The following AASDH variants were observed in gnomAD, a reference collection of about 807,000 sequenced individuals.
AASDH encodes beta-alanine-activating enzyme.
A neutral mutation model predicts 102.3 loss-of-function variants in AASDH; 81 were observed. The observed-to-expected ratio is 0.79, with a 90% CI of 0.66 to 0.95. The LOEUF is 0.95. Among genes scored for constraint, AASDH ranks in the 40% least tolerant of loss-of-function variants. The pLI is 0.00. For synonymous variants in AASDH, 398 were observed against 454.0 expected (o/e 0.88, Z 1.57); for missense variants, 1,203 against 1,266.2 (o/e 0.95, Z 0.76).
At position 56,371,606 on chromosome 4, in the gene AASDH, G is replaced by C. The variant is rs757073822; in HGVS notation, c.706C>G (p.Leu236Val). The C allele has an allele frequency of 1.9e-6, 3 of 1,609,094 alleles. No homozygotes were observed. The highest frequency in any genetic ancestry group is 2.2e-5 in the South Asian group (2 of 89,434). The change falls in exon 5 of 15, where the codon CTG becomes GTG. Residue 236 changes from leucine (L) to valine (V), a missense_variant. Transcript: ENST00000205214. ...FDITQEDVLF[L>V]ASPLTFDPSV... ...GGATCGAAGGTCAGAGGTGAAGCCA[G>C]AAACAAAACATCTTCTTGTGTGATG...
rs568888106 is a variant in AASDH, at chr4:56,366,649, G to A, written c.861+4802C>T. Among the ~76,000 whole-genome samples, 23 of 151,194 alleles carry A rather than the reference G, an allele frequency of 1.5e-4. No homozygotes were observed. The South Asian group carries it at 4.8e-3, about 32-fold the overall frequency. On this transcript the variant is annotated intron_variant, in intron 5 of 14. Transcript: ENST00000205214. Reference sequence around the variant, plus strand: ...TGATTATCTCAATAGATGCAGAAAAGGCCTTTGACAAAATTCAACAACCCT... The same window carrying A: ...TGATTATCTCAATAGATGCAGAAAAAGCCTTTGACAAAATTCAACAACCCT...
chr4:56,377,066 CAAA>C (rs11364187), intron 4 of AASDH, among the ~76,000 whole-genome samples: 4 of 131,820 alleles, frequency 3.0e-5, no homozygotes, highest in African/African-American at 1.1e-4. Context: ...GACTCCGTCT[CAAA>C]AAAAAAAAAA....
intron 3 of AASDH, among the ~76,000 whole-genome samples, chr4:56,381,435 G>A (rs188906004): frequency 3.3e-5 from 5 of 151,912 alleles, no homozygotes; most frequent in East Asian, 1.9e-4. Context: ...AAAATTAGCC[G>A]GGTGTGGTGG....
chr4:56,385,331 TATTTTTA>T (rs2110018529), intron 1 of AASDH, among the ~76,000 whole-genome samples: 1 of 152,356 alleles, frequency 6.6e-6, no homozygotes, highest in Admixed American at 6.5e-5. Flanking sequence ...CTGTATAGTT[TATTTTTA>T]AATTGCCAAT....
chr4:56,341,606 T>C (rs541425978), intron 14 of AASDH, among the ~76,000 whole-genome samples: 1 of 149,672 alleles, frequency 6.7e-6, no homozygotes, highest in South Asian at 2.1e-4. Context: ...TTTCACCATG[T>C]TGGCCAGGAT....
rs71192098 is a variant in AASDH, at chr4:56,377,086, T to TAAATA, written c.668+1057_668+1061dup. Among the ~76,000 whole-genome samples the TAAATA allele has an allele frequency of 1.7e-3, 241 of 138,324 alleles. 1 individual carries two copies. The highest frequency in any genetic ancestry group is 6.0e-3 in the South Asian group (26 of 4,366). 90.7% of individuals were successfully genotyped at this position (138,324 alleles called of 152,430 possible). ...CGTCTCAAAAAAAAAAAAAAATAAA[T>TAAATA]AAATAAAATAAAATAAAATTAACTT... On this transcript the variant is annotated intron_variant, in intron 4 of 14. Transcript: ENST00000205214.
chr4:56,358,143 A>G (rs1749837208), intron 5 of AASDH, among the ~76,000 whole-genome samples: 1 of 151,958 alleles, frequency 6.6e-6, no homozygotes, highest in Non-Finnish European at 1.5e-5. Context: ...ATATACATAT[A>G]TATGTACAAA....
Position 56,380,495 on chromosome 4 carries a change from A to C in AASDH, c.351+1982T>G, listed in dbSNP as rs139274568. Reference sequence around the variant, plus strand: ...TAGGGGATGTGGTGTGGCCTGTAATATTTGAAAAATTAAAGAACTACATAC... The same window carrying C: ...TAGGGGATGTGGTGTGGCCTGTAATCTTTGAAAAATTAAAGAACTACATAC... On this transcript the variant is annotated intron_variant, in intron 3 of 14. Transcript: ENST00000205214. 1.5e-3 allele frequency among the ~76,000 whole-genome samples: 221 copies of C among 152,262 alleles called. 1 individual carries two copies. The highest frequency in any genetic ancestry group is 5.0e-3 in the African/African-American group (207 of 41,546).
rs115471737 is a variant in AASDH at position 56,344,056 on chromosome 4, A to C, written c.2653-372T>G. ...AATGATTTAAATATAATTTTAATCC[A>C]TAATATCCCATATGAACATAAATAA... is the stretch of plus-strand genomic sequence containing the variant. On this transcript the variant is annotated intron_variant, in intron 12 of 14. Transcript: ENST00000205214. Among the ~76,000 whole-genome samples, 395 of 152,328 alleles carry C rather than the reference A, an allele frequency of 2.6e-3. 3 individuals are homozygous for C. Among genetic ancestry groups the C allele is most frequent in the African/African-American group, 9.1e-3 (378 of 41,578 alleles).
At chr4:56,372,704 GGCT>G (rs1379074930) in intron 4 of AASDH, among the ~76,000 whole-genome samples, 8 of 152,190 alleles carry the variant, frequency 5.3e-5, no homozygotes, top group Non-Finnish European at 1.2e-4. Flanking sequence ...GGGGCCGAAA[GGCT>G]GTGATACCTT....
rs756598776 is a variant in AASDH at position 56,338,722 on chromosome 4, A to C, written c.2977T>G (p.Phe993Val). Residue 993 changes from phenylalanine (F) to valine (V), a missense_variant, in exon 15 of 15, where the codon TTT becomes GTT. By Grantham distance (50) the Phe-to-Val change is conservative. Coordinates refer to ENST00000205214, the MANE Select transcript of AASDH (RefSeq NM_181806.4). ...ATAAAGCAATCATGGGAACCAAAAA[A>C]TATTTTTTGCTCTGATGGTGAGGTA... ...PCTSPSEQKIFFGSHDCFIYC... is the reference protein window; with the variant it reads ...PCTSPSEQKIVFGSHDCFIYC... The C allele has an allele frequency of 8.7e-6, 14 of 1,614,204 alleles. No individual in the cohort carries two copies. Among genetic ancestry groups the C allele is most frequent in the Non-Finnish European group, 1.2e-5 (14 of 1,180,034 alleles).
chr4:56,379,222 C>G (rs571508189), intron 3 of AASDH, among the ~76,000 whole-genome samples: 5 of 152,260 alleles, frequency 3.3e-5, no homozygotes, highest in African/African-American at 9.6e-5. Flanking sequence ...CAACCTCGAA[C>G]AGCTGGGCTC....
chr4:56,343,742 C>A, intron 12 of AASDH, 58 bp from the exon 13 acceptor site: 1 of 1,512,000 alleles, frequency 6.6e-7, no homozygotes, highest in Non-Finnish European at 9.0e-7. Flanking sequence ...ATCCATATAA[C>A]CTACCCTTCA....
intron 4 of AASDH, among the ~76,000 whole-genome samples, chr4:56,374,606 AT>A (rs148097316): frequency 0.016 from 2,413 of 152,218 alleles, 74 homozygotes; most frequent in African/African-American, 0.055. Flanking sequence ...CTGAAAACCC[AT>A]TTCTCTTTCC....
At position 56,377,078 on chromosome 4, in the gene AASDH, A is replaced by AT. The variant is rs1553933215; in HGVS notation, c.668+1069_668+1070insA. Among the ~76,000 whole-genome samples, 5 of 132,562 alleles carry AT rather than the reference A, an allele frequency of 3.8e-5. No homozygotes were observed. The South Asian group carries it at 7.1e-4, about 19-fold the overall frequency. The allele number at this position is 132,562 out of a possible 152,430, so 87.0% of individuals were successfully genotyped here. A position where few individuals can be genotyped will look rare whatever the true frequency, so the allele number is the denominator to read the frequency against. ...CGAGACTCCGTCTCAAAAAAAAAAA[A>AT]AAATAAATAAATAAAATAAAATAAA... On this transcript the variant is annotated intron_variant, in intron 4 of 14. Coordinates refer to ENST00000205214, the MANE Select transcript of AASDH (RefSeq NM_181806.4).
At position 56,338,548 on chromosome 4, in the gene AASDH, C is replaced by G; in HGVS notation, c.3151G>C (p.Glu1051Gln). Residue 1051 changes from glutamate (E) to glutamine (Q), a missense_variant, in exon 15 of 15, where the codon GAA (glutamate) becomes CAA (glutamine). Transcript: ENST00000205214. ...ASTDGKVWILESQSGQLQSVY... is the reference protein window; with the variant it reads ...ASTDGKVWILQSQSGQLQSVY... Reference sequence around the variant, plus strand: ...CTTTGCAATTGTCCACTCTGAGATTCCAAGATCCACACTTTCCCATCAGTA... The same window carrying G: ...CTTTGCAATTGTCCACTCTGAGATTGCAAGATCCACACTTTCCCATCAGTA... The G allele has an allele frequency of 1.2e-6, 2 of 1,613,716 alleles. No homozygotes were observed. The highest frequency in any genetic ancestry group is 1.1e-5 in the South Asian group (1 of 90,950).
At chr4:56,364,851 C>G (rs1750784928) in intron 5 of AASDH, among the ~76,000 whole-genome samples, 1 of 152,170 alleles carries the variant, frequency 6.6e-6, no homozygotes, top group Admixed American at 6.5e-5. Context: ...ATGACAGGAT[C>G]AAATTCACAC....
At chr4:56,380,240 G>A (rs1752808377) in intron 3 of AASDH, among the ~76,000 whole-genome samples, 1 of 152,166 alleles carries the variant, frequency 6.6e-6, no homozygotes, top group Non-Finnish European at 1.5e-5. Flanking sequence ...TTTGGTGGAT[G>A]GAGAAGAATT....
At chr4:56,357,660 A>G (rs184082691) in intron 5 of AASDH, among the ~76,000 whole-genome samples, 101 of 149,608 alleles carry the variant, frequency 6.8e-4, no homozygotes, top group African/African-American at 2.4e-3. Flanking sequence ...ATAATTATGA[A>G]TAGAAATTAT....
Sources: gnomAD v4.1 joint callset for allele counts (sites outside exome capture counted in the v4.1 genomes callset) on GRCh38, gnomAD v4.1.1 for gene constraint, MANE v1.5 for transcripts, NCBI Gene and HGNC (gene_info 2026-07-23, HGNC 2026-07-21) for gene names.